Variants in DPF2 observed in about 807,000 individuals in gnomAD.
DPF2 encodes double PHD fingers 2.
In DPF2, 10 loss-of-function variants were observed where a neutral mutation model predicts 59.6. The observed-to-expected ratio is 0.17, with a 90% CI of 0.10 to 0.28. The LOEUF (loss-of-function observed/expected upper bound fraction) is 0.28. Among genes scored for constraint, DPF2 ranks in the 10% least tolerant of loss-of-function variants. DPF2 has a pLI of 1.00. For missense variants in DPF2, 315 were observed against 509.4 expected, an observed-to-expected ratio of 0.62 and a Z score of 3.67; for synonymous variants, 189 against 190.6, an observed-to-expected ratio of 0.99 and a Z score of 0.07.
chr11:65,346,591 G>T, intron 9 of DPF2: 2 of 460,626 alleles, frequency 4.3e-6, no homozygotes, highest in Non-Finnish European at 7.7e-6. Context: ...AGACAAACAA[G>T]GTCCCTGCCT....
At chr11:65,337,545 A>AGG (rs1565528088) in intron 1 of DPF2, among the ~76,000 whole-genome samples, 33 of 136,928 alleles carry the variant, frequency 2.4e-4, no homozygotes, top group Admixed American at 3.8e-4. Flanking sequence ...AGAGAGAGAG[A>AGG]GAACAATGTT....
intron 10 of DPF2, among the ~76,000 whole-genome samples, chr11:65,351,292 GTTTTTCATATAAGGGACAATTA>G (rs1363306199): frequency 1.3e-5 from 2 of 152,170 alleles, no homozygotes; most frequent in Non-Finnish European, 2.9e-5. Context: ...TGACCCAATT[GTTTTTCATATAAGGGACAATTA>G]TTTTGTGTTT....
At chr11:65,335,992 T>C (rs1456931664) in intron 1 of DPF2, among the ~76,000 whole-genome samples, 1 of 151,766 alleles carries the variant, frequency 6.6e-6, no homozygotes, top group Non-Finnish European at 1.5e-5. Context: ...TTTTGTGTTT[T>C]TAGTAGAGAT....
Position 65,345,467 on chromosome 11 carries a change from C to G in DPF2, c.638-199C>G, listed in dbSNP as rs1268573869. The stretch of plus-strand genomic sequence containing the variant: ...TTGGAGTTCAGGAGGGAAAAGAGCC[C>G]CAGAAGCTAGAGAGCCCCACGGCCT... On this transcript the variant is annotated intron_variant, in intron 6 of 10. Coordinates refer to ENST00000528416, the MANE Select transcript of DPF2 (RefSeq NM_006268.5). 3 of 670,446 alleles carry G rather than the reference C, an allele frequency of 4.5e-6. No homozygotes were observed. In the African/African-American group the frequency reaches 5.4e-5, roughly 12 times the overall value. The allele number at this position is 670,446 out of a possible 1,614,324, so 41.5% of individuals were successfully genotyped here.
At chr11:65,337,500 TATATAGAGAGAGAG>T (rs1207187615) in intron 1 of DPF2, among the ~76,000 whole-genome samples, 178 of 40,268 alleles carry the variant, frequency 4.4e-3, no homozygotes, top group Middle Eastern at 0.017. Flanking sequence ...TATATATATA[TATATAGAGAGAGAG>T]AGAGAGAGAG....
chr11:65,346,233 T>C lies in DPF2; in HGVS notation c.905-14T>C, dbSNP rs984543629. On this transcript the variant is annotated splice_polypyrimidine_tract_variant and intron_variant, in intron 8 of 10. Coordinates refer to ENST00000528416, the MANE Select transcript of DPF2 (RefSeq NM_006268.5). The stretch of plus-strand genomic sequence containing the variant: ...ATTTCCGACTGTCTGTCTCACTCAC[T>C]TCCCCCACTACAGGGCATCCATCTT... 5 of 1,613,122 alleles carry C rather than the reference T, an allele frequency of 3.1e-6. No homozygotes were observed. The highest frequency in any genetic ancestry group is 3.3e-5 in the Admixed American group (2 of 59,898).
chr11:65,335,373 C>G (rs925318125), intron 1 of DPF2, among the ~76,000 whole-genome samples: 1 of 152,158 alleles, frequency 6.6e-6, no homozygotes, highest in Non-Finnish European at 1.5e-5. Flanking sequence ...GGAAGATTCT[C>G]ATTGTACTGG....
At chr11:65,337,466 AAAAAAAAAATATATATATATATAT>A (rs1565527160) in intron 1 of DPF2, among the ~76,000 whole-genome samples, 2 of 68,662 alleles carry the variant, frequency 2.9e-5, no homozygotes, top group African/African-American at 1.1e-4. Flanking sequence ...AAAAAAAAAA[AAAAAAAAAATATATATATATATAT>A]ATATATATAT....
intron 1 of DPF2, among the ~76,000 whole-genome samples, chr11:65,337,475 ATATATATATATAT>A (rs1301275556): frequency 3.2e-5 from 1 of 31,100 alleles, no homozygotes; most frequent in African/African-American, 1.3e-4. Context: ...AAAAAAAAAA[ATATATATATATAT>A]ATATATATAT....
intron 10 of DPF2, 68 bp downstream of exon 10, chr11:65,348,999 T>C (rs1854618292): frequency 6.5e-7 from 1 of 1,549,768 alleles, no homozygotes; most frequent in Non-Finnish European, 8.9e-7. Flanking sequence ...CTGAGTTCTA[T>C]GTTCTTTATG....
At chr11:65,338,681 T>C (rs1400639846) in intron 1 of DPF2, among the ~76,000 whole-genome samples, 1 of 152,188 alleles carries the variant, frequency 6.6e-6, no homozygotes, top group Non-Finnish European at 1.5e-5. Context: ...TACAGCTCAT[T>C]GAATCACGCC....
intron 6 of DPF2, chr11:65,344,547 C>G (rs1327872271): frequency 4.6e-6 from 7 of 1,533,544 alleles, no homozygotes; most frequent in Middle Eastern, 3.3e-4. Context: ...GTATCAAGGC[C>G]TTCTTCTCAT....
chr11:65,337,546 GA>G (rs1590929943), intron 1 of DPF2, among the ~76,000 whole-genome samples: 19 of 120,312 alleles, frequency 1.6e-4, no homozygotes, highest in African/African-American at 6.1e-4. Context: ...GAGAGAGAGA[GA>G]ACAATGTTAA....
chr11:65,341,637 C>A, intron 4 of DPF2, 75 bp downstream of exon 4: 1 of 1,584,092 alleles, frequency 6.3e-7, no homozygotes, highest in Non-Finnish European at 8.6e-7. Flanking sequence ...CACCTAGTTT[C>A]TAGAACTGAA....
At position 65,337,474 on chromosome 11, in the gene DPF2, A is replaced by AAT. The variant is rs1196397460; in HGVS notation, c.33-2881_33-2880dup. Among the ~76,000 whole-genome samples the AAT allele has an allele frequency of 1.5e-3, 68 of 46,464 alleles. 1 individual carries two copies. The highest frequency in any genetic ancestry group is 3.3e-3 in the East Asian group (4 of 1,230). The allele number at this position is 46,464 out of a possible 152,430, so 30.5% of individuals were successfully genotyped here. A position where few individuals can be genotyped will look rare whatever the true frequency, so the allele number is the denominator to read the frequency against. On this transcript the variant is annotated intron_variant, in intron 1 of 10. Coordinates refer to ENST00000528416, the MANE Select transcript of DPF2 (RefSeq NM_006268.5). Reference sequence around the variant, plus strand: ...TCTCAAAAAAAAAAAAAAAAAAAAAAATATATATATATATATATATATATA... The same window carrying AAT: ...TCTCAAAAAAAAAAAAAAAAAAAAAAATATATATATATATATATATATATATA...
At chr11:65,348,446 T>G (rs1854601243) in intron 9 of DPF2, 1 of 161,810 alleles carries the variant, frequency 6.2e-6, no homozygotes, top group Non-Finnish European at 1.3e-5. Context: ...CTAGGTGTGG[T>G]GGTGTGTGCC....
At chr11:65,349,782 C>T (rs530465126) in intron 10 of DPF2, among the ~76,000 whole-genome samples, 115 of 149,216 alleles carry the variant, frequency 7.7e-4, no homozygotes, top group African/African-American at 2.7e-3. Flanking sequence ...GGCGACAGAG[C>T]GAGACTCCAT....
chr11:65,346,760 C>G (rs904098494), intron 9 of DPF2: 1 of 158,158 alleles, frequency 6.3e-6, no homozygotes, highest in Non-Finnish European at 1.4e-5. Context: ...GAGGGTGATG[C>G]TGGTGTTGAA....
intron 1 of DPF2, among the ~76,000 whole-genome samples, chr11:65,334,252 C>T (rs905288746): frequency 2.6e-5 from 4 of 152,224 alleles, no homozygotes; most frequent in African/African-American, 9.6e-5. Flanking sequence ...CGAGACGCCT[C>T]AGTCCGGAGG....
Sources: allele counts gnomAD v4.1 joint callset (sites outside exome capture counted in the v4.1 genomes callset), GRCh38; gene constraint gnomAD v4.1.1; transcripts MANE v1.5; gene names NCBI Gene and HGNC (gene_info 2026-07-23, HGNC 2026-07-21).